The following SNTG2 variants were observed in gnomAD, a reference collection of about 807,000 sequenced individuals.
SNTG2 encodes the protein syntrophin gamma 2.
SNTG2 carries 74 observed loss-of-function variants against 70.9 expected under a neutral mutation model. That is an observed-to-expected ratio of 1.04 (90% confidence interval 0.86 to 1.27). SNTG2 has a LOEUF of 1.27. Among genes scored for constraint, SNTG2 ranks in the 50% most tolerant of loss-of-function variants. The pLI, the probability that SNTG2 is intolerant of heterozygous loss-of-function variation, is 0.00. For synonymous variants in SNTG2, 278 were observed against 273.8 expected, an observed-to-expected ratio of 1.02 and a Z score of -0.15; for missense variants, 717 against 690.7, an observed-to-expected ratio of 1.04 and a Z score of -0.43.
intron 8 of SNTG2, among the ~76,000 whole-genome samples, chr2:1,176,314 G>A (rs1671472523): frequency 6.6e-6 from 1 of 152,126 alleles, no homozygotes; most frequent in Non-Finnish European, 1.5e-5. Context: ...TGAAGGGTGG[G>A]AGGAGGGAGA....
intron 8 of SNTG2, among the ~76,000 whole-genome samples, chr2:1,208,285 CT>C (rs1217999991): frequency 1.3e-5 from 1 of 75,268 alleles, no homozygotes; most frequent in Non-Finnish European, 2.7e-5. Flanking sequence ...TGGGGCACAC[CT>C]GTGAGTGTGA....
intron 12 of SNTG2, among the ~76,000 whole-genome samples, chr2:1,256,959 T>A (rs1422477638): frequency 3.5e-5 from 4 of 112,872 alleles, no homozygotes; most frequent in Non-Finnish European, 7.9e-5. Context: ...AAGACCCACT[T>A]CTTCTTTTTT....
At chr2:1,036,102 G>A (rs1279341835) in intron 1 of SNTG2, among the ~76,000 whole-genome samples, 1 of 152,104 alleles carries the variant, frequency 6.6e-6, no homozygotes, top group Non-Finnish European at 1.5e-5. Flanking sequence ...GGTTTTTCTA[G>A]GTGATTTTTA....
intron 8 of SNTG2, among the ~76,000 whole-genome samples, chr2:1,206,314 C>T (rs906021112): frequency 1.3e-5 from 2 of 152,138 alleles, no homozygotes; most frequent in African/African-American, 4.8e-5. Flanking sequence ...AAGGCCTTTC[C>T]GGGCACCCTG....
intron 16 of SNTG2, among the ~76,000 whole-genome samples, chr2:1,346,851 T>C (rs12105650): frequency 0.15 from 23,257 of 152,040 alleles, 2,211 homozygotes; most frequent in East Asian, 0.49. Context: ...GTTTTGGGGA[T>C]TCTTTAGCTG....
intron 1 of SNTG2, among the ~76,000 whole-genome samples, chr2:999,987 A>G (rs763459172): frequency 6.6e-6 from 1 of 151,968 alleles, no homozygotes; most frequent in Non-Finnish European, 1.5e-5. Flanking sequence ...AACTCCCCAA[A>G]CTATACAAAT....
intron 14 of SNTG2, among the ~76,000 whole-genome samples, chr2:1,268,203 A>T (rs547952244): frequency 2.6e-5 from 4 of 152,244 alleles, no homozygotes; most frequent in African/African-American, 9.6e-5. Flanking sequence ...GAAGAGTGAC[A>T]GGAGATAAAT....
chr2:1,205,170 A>T (rs1189421641), intron 8 of SNTG2, among the ~76,000 whole-genome samples: 1 of 152,220 alleles, frequency 6.6e-6, no homozygotes, highest in African/African-American at 2.4e-5. Context: ...CTTTGTGTCC[A>T]TACATACATG....
Position 1,197,513 on chromosome 2 carries a change from ATATG to A in SNTG2, c.592-11588_592-11585del, listed in dbSNP as rs1553353445. On this transcript the variant is annotated intron_variant, in intron 8 of 16. Coordinates refer to ENST00000308624, the MANE Select transcript of SNTG2 (RefSeq NM_018968.4). ...TGTATGTATATATGTGTATGTATAT[ATATG>A]TGTGTGTGTGTGTGTGTGTGTGTGT... Among the ~76,000 whole-genome samples, 632 of 84,848 alleles carry A rather than the reference ATATG, an allele frequency of 7.4e-3. 2 individuals are homozygous for A. The highest frequency in any genetic ancestry group is 0.02 in the African/African-American group (566 of 28,992). 55.7% of individuals were successfully genotyped at this position (84,848 alleles called of 152,430 possible). A position where few individuals can be genotyped will look rare whatever the true frequency, so the allele number is the denominator to read the frequency against.
chr2:1,017,878 G>A (rs979297660), intron 1 of SNTG2, among the ~76,000 whole-genome samples: 7 of 152,214 alleles, frequency 4.6e-5, no homozygotes, highest in East Asian at 1.9e-4. Context: ...CTACAAATGC[G>A]GATGGTGTGA....
intron 6 of SNTG2, among the ~76,000 whole-genome samples, chr2:1,144,972 AAC>A (rs1669004051): frequency 6.6e-6 from 1 of 152,260 alleles, no homozygotes; most frequent in Admixed American, 6.5e-5. Flanking sequence ...GCTTCTAAAT[AAC>A]ACACTGGTCA....
intron 14 of SNTG2, among the ~76,000 whole-genome samples, chr2:1,279,034 C>T (rs1363535932): frequency 7.7e-6 from 1 of 129,958 alleles, no homozygotes; most frequent in East Asian, 3.0e-4. Context: ...GCGTGAATCA[C>T]CCCCTGTCAG....
At position 1,094,787 on chromosome 2, in the gene SNTG2, A is replaced by G. The variant is rs568391972; in HGVS notation, c.211-3409A>G. On this transcript the variant is annotated intron_variant, in intron 2 of 16. Coordinates refer to ENST00000308624, the MANE Select transcript of SNTG2 (RefSeq NM_018968.4). Reference sequence around the variant, plus strand: ...TATGGTAGAGTTACTGGCAAGGGCCAGCTTACTGGCCTGCAGGCAAAGGCC... The same window carrying G: ...TATGGTAGAGTTACTGGCAAGGGCCGGCTTACTGGCCTGCAGGCAAAGGCC... Among the ~76,000 whole-genome samples the G allele has an allele frequency of 3.9e-4, 26 of 66,782 alleles. 4 individuals carry two copies. Among genetic ancestry groups the G allele is most frequent in the Non-Finnish European group, 5.3e-4 (20 of 37,518 alleles). 43.8% of individuals were successfully genotyped at this position (66,782 alleles called of 152,430 possible).
chr2:1,036,525 G>A (rs1661139237), intron 1 of SNTG2, among the ~76,000 whole-genome samples: 1 of 151,980 alleles, frequency 6.6e-6, no homozygotes, highest in Admixed American at 6.6e-5. Context: ...ATTGTACATA[G>A]CTAGTCACAC....
chr2:1,045,034 T>A (rs1385366852), intron 1 of SNTG2, among the ~76,000 whole-genome samples: 2 of 151,960 alleles, frequency 1.3e-5, no homozygotes, highest in African/African-American at 4.8e-5. Flanking sequence ...GGTCAGTTTT[T>A]TTTTTGTTAA....
At chr2:1,024,566 G>C (rs1660371341) in intron 1 of SNTG2, among the ~76,000 whole-genome samples, 1 of 152,062 alleles carries the variant, frequency 6.6e-6, no homozygotes, top group African/African-American at 2.4e-5. Context: ...GTAGAGGTGT[G>C]GTCTCACTAT....
intron 6 of SNTG2, among the ~76,000 whole-genome samples, chr2:1,140,693 C>T (rs1668692939): frequency 6.6e-6 from 1 of 152,246 alleles, no homozygotes; most frequent in South Asian, 2.1e-4. Flanking sequence ...AGAAGCTTTA[C>T]AGAATGTCAT....
chr2:1,216,489 C>G (rs986087741), intron 9 of SNTG2, among the ~76,000 whole-genome samples: 6 of 151,910 alleles, frequency 3.9e-5, no homozygotes, highest in Non-Finnish European at 7.4e-5. Flanking sequence ...CAAAAATTTT[C>G]TCCCATTCTG....
rs530175523 is a variant in SNTG2, at chr2:1,152,815, G to A, written c.412-12733G>A. On this transcript the variant is annotated intron_variant, in intron 6 of 16. Transcript: ENST00000308624. ...TTAAAGTTAACTGATCATAGATGTTGACCACATCTATAAAATGCCTTCACA... is the reference window on the plus strand; with the variant it reads ...TTAAAGTTAACTGATCATAGATGTTAACCACATCTATAAAATGCCTTCACA... Among the ~76,000 whole-genome samples the A allele has an allele frequency of 2.0e-5, 3 of 152,242 alleles. No individual in the cohort carries two copies. The South Asian group carries it at 6.2e-4, about 32-fold the overall frequency.
Sources: gnomAD v4.1 joint callset for allele counts (sites outside exome capture counted in the v4.1 genomes callset) on GRCh38, gnomAD v4.1.1 for gene constraint, MANE v1.5 for transcripts, NCBI Gene and HGNC (gene_info 2026-07-23, HGNC 2026-07-21) for gene names.